The following CHFR variants were observed in gnomAD, a reference collection of about 807,000 sequenced individuals.
The protein encoded by CHFR is checkpoint with forkhead and ring finger domains, also known as E3 ubiquitin-protein ligase CHFR.
Under a neutral mutation model 87.6 loss-of-function variants are expected in CHFR, and 57 were observed. The observed-to-expected ratio is 0.65, with a 90% confidence interval of 0.53 to 0.81. The LOEUF (loss-of-function observed/expected upper bound fraction) is 0.81. Ranked by LOEUF, CHFR falls within the 30% of genes least tolerant of loss-of-function variation. The pLI is 0.00. For missense variants in CHFR, 797 were observed against 865.8 expected, an observed-to-expected ratio of 0.92 and a Z score of 1.00; for synonymous variants, 381 against 359.2, an observed-to-expected ratio of 1.06 and a Z score of -0.69.
intron 8 of CHFR, among the ~76,000 whole-genome samples, chr12:132,858,007 G>A (rs1453297314): frequency 2.0e-5 from 3 of 152,226 alleles, no homozygotes; most frequent in African/African-American, 7.2e-5. Flanking sequence ...AACTTGTGGG[G>A]TCTACAGCCT....
intron 5 of CHFR, 132 bp downstream of exon 5, chr12:132,870,592 G>A (rs893952185): frequency 1.6e-5 from 9 of 557,816 alleles, no homozygotes; most frequent in Admixed American, 8.2e-5. Context: ...CCCAGGAGGC[G>A]GAGGCTGCAG....
At chr12:132,867,974 T>C (rs928680028) in intron 6 of CHFR, 3 of 151,568 alleles carry the variant, frequency 2.0e-5, no homozygotes, top group South Asian at 2.1e-4. Context: ...AAAAATAATA[T>C]GTATAGCGCG....
Position 132,839,083 on chromosome 12 carries a change from T to C in CHFR, c.*2471A>G, listed in dbSNP as rs1263207873. Reference sequence around the variant, plus strand: ...GGACACCTGGAGCCCAGAGGCTCTCTGAGCTGCCTGCCCTTCCTGGACAGG... The same window carrying C: ...GGACACCTGGAGCCCAGAGGCTCTCCGAGCTGCCTGCCCTTCCTGGACAGG... On this transcript the variant is annotated 3_prime_UTR_variant, in exon 18 of 18. Coordinates refer to ENST00000450056, the MANE Select transcript of CHFR (RefSeq NM_001161346.2). 10 of 152,326 alleles carry C rather than the reference T, an allele frequency of 6.6e-5. No homozygotes were observed. The allele number at this position is 152,326 out of a possible 1,614,324, so 9.4% of individuals were successfully genotyped here.
chr12:132,885,419 T>TATAA (rs141735852), intron 2 of CHFR, among the ~76,000 whole-genome samples: 37,540 of 146,410 alleles, frequency 0.26, 5,001 homozygotes, highest in Middle Eastern at 0.37. Flanking sequence ...TCAAAAAATA[T>TATAA]ATAAATAAAT....
At chr12:132,843,975 A>G in intron 16 of CHFR, 52 bp downstream of exon 16, 2 of 1,221,890 alleles carry the variant, frequency 1.6e-6, no homozygotes, top group African/African-American at 1.5e-5. Context: ...GCAGAAGCCA[A>G]GAAGCCAACC....
intron 3 of CHFR, among the ~76,000 whole-genome samples, chr12:132,873,558 G>A (rs12817928): frequency 0.27 from 38,935 of 146,910 alleles, 5,363 homozygotes; most frequent in Middle Eastern, 0.43. Context: ...CTACGGGGCT[G>A]GAGTGCACAC....
intron 3 of CHFR, 57 bp from the exon 4 acceptor site, chr12:132,872,451 T>G (rs1366024867): frequency 4.5e-6 from 6 of 1,333,820 alleles, no homozygotes; most frequent in Non-Finnish European, 6.4e-6. Flanking sequence ...AGTTACAAGA[T>G]TTTTTTTCTA....
intron 9 of CHFR, 36 bp from the exon 10 acceptor site, chr12:132,856,666 G>T (rs1314413678): frequency 6.2e-7 from 1 of 1,605,580 alleles, no homozygotes; most frequent in Non-Finnish European, 8.5e-7. Flanking sequence ...TTCACCGGCA[G>T]TGAGACATGG....
intron 2 of CHFR, among the ~76,000 whole-genome samples, chr12:132,882,330 G>C (rs555617824): frequency 6.6e-6 from 1 of 152,314 alleles, no homozygotes; most frequent in East Asian, 1.9e-4. Context: ...AGCAGCAGAA[G>C]GCAAAGAAAC....
rs576279302 is a variant in CHFR at position 132,835,603 on chromosome 12, C to T, written c.*5951G>A. ...GACGTGAGAACTCAAGGAGATGCTGCCCACGAGCCAAGGAGACAGACCAAA... is the reference window on the plus strand; with the variant it reads ...GACGTGAGAACTCAAGGAGATGCTGTCCACGAGCCAAGGAGACAGACCAAA... On this transcript the variant is annotated 3_prime_UTR_variant, in exon 18 of 18. Coordinates refer to ENST00000450056, the MANE Select transcript of CHFR (RefSeq NM_001161346.2). The T allele has an allele frequency of 2.2e-5, 4 of 179,886 alleles. No individual in the cohort carries two copies. The highest frequency in any genetic ancestry group is 5.6e-5 in the Admixed American group (1 of 17,982). The allele number at this position is 179,886 out of a possible 1,614,324, so 11.1% of individuals were successfully genotyped here.
chr12:132,886,829 G>A (rs749507220), intron 2 of CHFR, among the ~76,000 whole-genome samples: 3 of 152,118 alleles, frequency 2.0e-5, no homozygotes, highest in African/African-American at 4.8e-5. Context: ...TGACCCACCG[G>A]TTGCTTTAAG....
At chr12:132,857,264 C>T in intron 9 of CHFR, 141 bp downstream of exon 9, 1 of 846,648 alleles carries the variant, frequency 1.2e-6, no homozygotes, top group Non-Finnish European at 1.8e-6. Flanking sequence ...GTGGAGGGAC[C>T]ACCCTCACGT....
In CHFR at chr12:132,872,313, C is replaced by T. The variant is rs761633567; in HGVS notation, c.315G>A (p.Leu105=). 1.1e-5 allele frequency: 17 copies of T among 1,612,544 alleles called. No homozygotes were observed. Among genetic ancestry groups the T allele is most frequent in the Non-Finnish European group, 1.4e-5 (16 of 1,178,732 alleles). ...CPLQTGDVIY[L]VYRKNEPEHN... ...GTTCCGGTTCATTCTTCCTGTACAC[C>T]AAGTAGATGACATCCCCAGTCTGTA... Residue 105 remains leucine, a synonymous_variant, in exon 4 of 18, where the codon TTG becomes TTA. Coordinates refer to ENST00000450056, the MANE Select transcript of CHFR (RefSeq NM_001161346.2).
chr12:132,851,002 T>C lies in CHFR; in HGVS notation c.1492+616A>G, dbSNP rs955724265. Among the ~76,000 whole-genome samples, 14 of 147,896 alleles carry C rather than the reference T, an allele frequency of 9.5e-5. No individual in the cohort carries two copies. In the East Asian group the frequency reaches 2.0e-3, roughly 21 times the overall value. ...ATATATATATATATATATATATGTT[T>C]TGTTTTGAGACAGGATTTCCCTCTG... is the stretch of plus-strand genomic sequence containing the variant. On this transcript the variant is annotated intron_variant, in intron 12 of 17. Coordinates refer to ENST00000450056, the MANE Select transcript of CHFR (RefSeq NM_001161346.2).
chr12:132,858,155 G>C (rs1019260672), intron 8 of CHFR, among the ~76,000 whole-genome samples: 1 of 152,036 alleles, frequency 6.6e-6, no homozygotes. Context: ...GCAGGAGTTC[G>C]AGACCAGCCT....
At chr12:132,886,969 A>T (rs1951909673) in intron 2 of CHFR, among the ~76,000 whole-genome samples, 1 of 152,230 alleles carries the variant, frequency 6.6e-6, no homozygotes, top group Admixed American at 6.5e-5. Context: ...CATTCTGGAG[A>T]GTATATGAAC....
At chr12:132,853,316 G>T (rs372547607) in intron 11 of CHFR, 115 bp downstream of exon 11, 1 of 1,153,158 alleles carries the variant, frequency 8.7e-7, no homozygotes. Flanking sequence ...GGGCCCAAAG[G>T]GGGCGAGCAG....
chr12:132,853,323 G>T, intron 11 of CHFR, 108 bp downstream of exon 11: 1 of 1,201,834 alleles, frequency 8.3e-7, no homozygotes, highest in Non-Finnish European at 1.1e-6. Context: ...AAGGGGGCGA[G>T]CAGTGCAGAC....
rs1000559531 is a variant in CHFR at position 132,856,634 on chromosome 12, G to C, written c.1067-4C>G. ...TCTTCTTCACTGCGACTCTTGTCTA[G>C]AATTGAAAGGACACAGCGCCATTCA... On this transcript the variant is annotated splice_region_variant and splice_polypyrimidine_tract_variant and intron_variant, in intron 9 of 17. Coordinates refer to ENST00000450056, the MANE Select transcript of CHFR (RefSeq NM_001161346.2). The C allele has an allele frequency of 7.4e-6, 12 of 1,613,538 alleles. No homozygotes were observed. Among genetic ancestry groups the C allele is most frequent in the Admixed American group, 6.7e-5 (4 of 60,008 alleles).
Sources: gnomAD v4.1 joint callset for allele counts (sites outside exome capture counted in the v4.1 genomes callset) on GRCh38, gnomAD v4.1.1 for gene constraint, MANE v1.5 for transcripts, NCBI Gene and HGNC (gene_info 2026-07-23, HGNC 2026-07-21) for gene names.